PSG3: variants seen among roughly 807,000 people sequenced by gnomAD.
PSG3 encodes pregnancy specific beta-1-glycoprotein 3.
PSG3 carries 61 observed loss-of-function variants against 47.5 expected under a neutral mutation model. That is an observed-to-expected ratio of 1.28 (90% CI 1.05 to 1.59). The LOEUF is 1.59. PSG3 is among the 40% of genes most tolerant of loss of function. The pLI is 0.00. For missense variants in PSG3, 756 were observed against 524.0 expected, an observed-to-expected ratio of 1.44 and a Z score of -4.32; for synonymous variants, 263 against 198.4, an observed-to-expected ratio of 1.33 and a Z score of -2.74.
intron 5 of PSG3, among the ~76,000 whole-genome samples, chr19:42,726,753 C>T (rs749209838): frequency 6.6e-6 from 1 of 152,130 alleles, no homozygotes; most frequent in Non-Finnish European, 1.5e-5. Context: ...CTATCAGAAT[C>T]TCAGTGACAT....
Position 42,729,932 on chromosome 19 carries a change from C to T in PSG3, c.834G>A (p.Gln278=), listed in dbSNP as rs1362886234. The T allele has an allele frequency of 6.2e-7, 1 of 1,612,130 alleles. No homozygotes were observed. The highest frequency in any genetic ancestry group is 1.1e-5 in the South Asian group (1 of 90,998). ...NYTYIWWLNG[Q]SLPVSPRVKR... ...TTACCCTGGGACTGACCGGGAGGCT[C>T]TGACCATTTAGCCACCAAATGTAGG... The change falls in exon 4 of 7, where the codon CAG becomes CAA. Residue 278 remains glutamine, a synonymous_variant. Coordinates refer to ENST00000327495, the MANE Select transcript of PSG3 (RefSeq NM_021016.4).
At chr19:42,722,932 C>G (rs986384945) in intron 6 of PSG3, among the ~76,000 whole-genome samples, 20 of 152,222 alleles carry the variant, frequency 1.3e-4, no homozygotes, top group African/African-American at 4.8e-4. Flanking sequence ...TAAACTGGAA[C>G]TAATGGGTGG....
chr19:42,727,404 C>G (rs1257047277), intron 5 of PSG3, among the ~76,000 whole-genome samples: 1 of 152,120 alleles, frequency 6.6e-6, no homozygotes, highest in Non-Finnish European at 1.5e-5. Context: ...AGCTACAAGT[C>G]AACAACAGCA....
chr19:42,735,458 C>T (rs1969547694), intron 2 of PSG3, among the ~76,000 whole-genome samples: 1 of 152,150 alleles, frequency 6.6e-6, no homozygotes, highest in African/African-American at 2.4e-5. Flanking sequence ...GCTCCACCTC[C>T]TGGGTTCATG....
intron 5 of PSG3, 140 bp from the exon 6 acceptor site, chr19:42,724,165 G>C (rs1969339114): frequency 7.2e-6 from 10 of 1,388,992 alleles, no homozygotes; most frequent in Non-Finnish European, 9.7e-6. Flanking sequence ...AAATTGATAG[G>C]AGATGATTAT....
At chr19:42,736,165 C>A (rs1449564563) in intron 2 of PSG3, among the ~76,000 whole-genome samples, 2 of 152,182 alleles carry the variant, frequency 1.3e-5, no homozygotes, top group African/African-American at 2.4e-5. Context: ...CTGAATTCTG[C>A]TAAAATGTTG....
Position 42,740,401 on chromosome 19 carries a change from G to C in PSG3, c.-17C>G. On this transcript the variant is annotated 5_prime_UTR_variant, in exon 1 of 7. Coordinates refer to ENST00000327495, the MANE Select transcript of PSG3 (RefSeq NM_021016.4). ...GGGCCCCATGGTCTCTGCTGCCTGC[G>C]TGTTCTCCTCTGTGGAGCTGAGCCT... 1.2e-6 allele frequency: 2 copies of C among 1,613,992 alleles called. No homozygotes were observed. The highest frequency in any genetic ancestry group is 1.7e-6 in the Non-Finnish European group (2 of 1,179,928).
chr19:42,733,067 G>A lies in PSG3; in HGVS notation c.431-5C>T. 1 of 1,612,594 alleles carries A rather than the reference G, an allele frequency of 6.2e-7. No individual in the cohort carries two copies. The highest frequency in any genetic ancestry group is 8.5e-7 in the Non-Finnish European group (1 of 1,179,148). On this transcript the variant is annotated splice_region_variant and splice_polypyrimidine_tract_variant and intron_variant, in intron 2 of 6. Transcript: ENST00000327495. The stretch of plus-strand genomic sequence containing the variant: ...TGGAGGGCTTGGGAGTCTCCACTGT[G>A]CAGAAAACAGAGAGAAGATTGCCCT...
At chr19:42,737,096 G>A (rs1386808609) in intron 2 of PSG3, among the ~76,000 whole-genome samples, 1 of 152,080 alleles carries the variant, frequency 6.6e-6, no homozygotes, top group Non-Finnish European at 1.5e-5. Flanking sequence ...ACTGACTTCA[G>A]AGACCCCAGG....
chr19:42,727,255 A>G (rs1338990810), intron 5 of PSG3, among the ~76,000 whole-genome samples: 1 of 152,244 alleles, frequency 6.6e-6, no homozygotes, highest in Non-Finnish European at 1.5e-5. Flanking sequence ...AATAAAATGG[A>G]TAAATCGGAC....
At chr19:42,739,187 T>G (rs1342934688) in intron 1 of PSG3, 98 bp from the exon 2 acceptor site, 1 of 1,435,564 alleles carries the variant, frequency 7.0e-7, no homozygotes, top group African/African-American at 1.5e-5. Context: ...AATCCTCAGC[T>G]TTGAAGAGAC....
Position 42,740,412 on chromosome 19 carries a change from T to A in PSG3, c.-28A>T. ...TCTCTGCTGCCTGCGTGTTCTCCTC[T>A]GTGGAGCTGAGCCTAGGATCCAGAA... is the stretch of plus-strand genomic sequence containing the variant. On this transcript the variant is annotated 5_prime_UTR_variant, in exon 1 of 7. Coordinates refer to ENST00000327495, the MANE Select transcript of PSG3 (RefSeq NM_021016.4). 6.2e-7 allele frequency: 1 copy of A among 1,613,970 alleles called. No individual in the cohort carries two copies. Among genetic ancestry groups the A allele is most frequent in the Non-Finnish European group, 8.5e-7 (1 of 1,179,920 alleles).
chr19:42,726,670 T>C (rs1352213154), intron 5 of PSG3, among the ~76,000 whole-genome samples: 1 of 152,240 alleles, frequency 6.6e-6, no homozygotes, highest in African/African-American at 2.4e-5. Context: ...CATTTTGTTT[T>C]CATGAATTGG....
At chr19:42,722,749 G>C (rs1969319020) in intron 6 of PSG3, among the ~76,000 whole-genome samples, 1 of 152,024 alleles carries the variant, frequency 6.6e-6, no homozygotes, top group Admixed American at 6.5e-5. Context: ...AAAAAGTATA[G>C]TCTTATGTAT....
intron 5 of PSG3, among the ~76,000 whole-genome samples, chr19:42,724,920 C>T (rs760732069): frequency 6.6e-6 from 1 of 151,956 alleles, no homozygotes; most frequent in South Asian, 2.1e-4. Flanking sequence ...AGGGGCACTT[C>T]CTATGTGCCA....
At chr19:42,736,397 G>A (rs565689687) in intron 2 of PSG3, among the ~76,000 whole-genome samples, 2 of 152,232 alleles carry the variant, frequency 1.3e-5, no homozygotes, top group South Asian at 2.1e-4. Context: ...GTGGATTCAA[G>A]CACAAACAGA....
intron 4 of PSG3, 46 bp downstream of exon 4, chr19:42,729,732 G>A: frequency 6.4e-7 from 1 of 1,555,348 alleles, no homozygotes; most frequent in Non-Finnish European, 8.7e-7. Context: ...TGGTCGTTTT[G>A]ATTTAAGCTG....
intron 6 of PSG3, among the ~76,000 whole-genome samples, chr19:42,722,598 G>A (rs1969316648): frequency 1.3e-5 from 2 of 152,238 alleles, no homozygotes; most frequent in South Asian, 2.1e-4. Context: ...TTATTTAGAG[G>A]AGGTTTAGCA....
rs2122174152 is a variant in PSG3 at position 42,729,908 on chromosome 19, T to C, written c.858A>G (p.Val286=). ...NGQSLPVSPR[V]KRPIENRILI... is the part of the protein sequence containing the mutation. Reference sequence around the variant, plus strand: ...GGATCCTGTTTTCAATGGGTCGCTTTACCCTGGGACTGACCGGGAGGCTCT... The same window carrying C: ...GGATCCTGTTTTCAATGGGTCGCTTCACCCTGGGACTGACCGGGAGGCTCT... The change falls in exon 4 of 7, where the codon GTA becomes GTG. Residue 286 remains valine, a synonymous_variant. Coordinates refer to ENST00000327495, the MANE Select transcript of PSG3 (RefSeq NM_021016.4). 1 of 1,612,252 alleles carries C rather than the reference T, an allele frequency of 6.2e-7. No homozygotes were observed.
Sources: gnomAD v4.1 joint callset for allele counts (sites outside exome capture counted in the v4.1 genomes callset) on GRCh38, gnomAD v4.1.1 for gene constraint, MANE v1.5 for transcripts, NCBI Gene and HGNC (gene_info 2026-07-23, HGNC 2026-07-21) for gene names.